Variants in WDFY3 observed in about 807,000 individuals in gnomAD.
The protein encoded by WDFY3 is WD repeat and FYVE domain containing 3, also known as WD repeat and FYVE domain-containing protein 3.
Under a neutral mutation model 409.6 loss-of-function variants are expected in WDFY3, and 66 were observed. That is an observed-to-expected ratio of 0.16 (90% CI 0.13 to 0.20). WDFY3 has a LOEUF of 0.20. Ranked by LOEUF, WDFY3 falls within the 10% of genes least tolerant of loss-of-function variation. WDFY3 has a pLI of 1.00. For synonymous variants in WDFY3, 1,521 were observed against 1,537.1 expected (o/e 0.99, Z 0.25); for missense variants, 3,031 against 4,298.1 (o/e 0.71, Z 8.24).
intron 6 of WDFY3, among the ~76,000 whole-genome samples, chr4:84,840,555 G>A (rs1757185795): frequency 6.6e-6 from 1 of 151,902 alleles, no homozygotes. Context: ...CCATCTGTTT[G>A]CCCAGAATGC....
intron 8 of WDFY3, 150 bp from the exon 9 acceptor site, chr4:84,829,340 A>AT (rs1755326154): frequency 1.6e-6 from 1 of 636,634 alleles, no homozygotes; most frequent in Admixed American, 3.5e-5. Flanking sequence ...AAAAGTCAAT[A>AT]TAAGAGTCAT....
At chr4:84,690,219 A>T (rs1164224286) in intron 61 of WDFY3, among the ~76,000 whole-genome samples, 1 of 152,236 alleles carries the variant, frequency 6.6e-6, no homozygotes, top group Non-Finnish European at 1.5e-5. Flanking sequence ...GCAAAAATTC[A>T]ATTTAGACTT....
chr4:84,721,691 G>T (rs1734880394), intron 46 of WDFY3, 119 bp from the exon 47 acceptor site: 1 of 1,182,098 alleles, frequency 8.5e-7, no homozygotes. Flanking sequence ...GAAGGTATAG[G>T]GAGGTAGCAC....
intron 12 of WDFY3, among the ~76,000 whole-genome samples, chr4:84,818,668 T>A (rs1753655625): frequency 1.3e-5 from 2 of 152,126 alleles, no homozygotes; most frequent in Admixed American, 1.3e-4. Flanking sequence ...TTTAGTTACC[T>A]CCTGGTTGTC....
At chr4:84,935,443 C>G (rs191037586) in intron 1 of WDFY3, among the ~76,000 whole-genome samples, 3 of 152,138 alleles carry the variant, frequency 2.0e-5, no homozygotes, top group Non-Finnish European at 2.9e-5. Context: ...GTTCGCACTT[C>G]CTTGTCAATT....
At chr4:84,683,885 G>A (rs2148797039) in intron 63 of WDFY3, 58 bp downstream of exon 63, 1 of 1,514,774 alleles carries the variant, frequency 6.6e-7, no homozygotes, top group Non-Finnish European at 8.9e-7. Context: ...TTAGCTACAA[G>A]TTTCTGGTAA....
At chr4:84,824,548 A>G (rs908636378) in intron 10 of WDFY3, among the ~76,000 whole-genome samples, 1 of 152,194 alleles carries the variant, frequency 6.6e-6, no homozygotes, top group Admixed American at 6.5e-5. Flanking sequence ...AGTTCTAGAA[A>G]GGGCAAAACT....
chr4:84,685,289 G>A (rs1578126696), intron 62 of WDFY3, among the ~76,000 whole-genome samples: 1 of 152,190 alleles, frequency 6.6e-6, no homozygotes, highest in African/African-American at 2.4e-5. Flanking sequence ...GGGTGAGGAG[G>A]AGGACTGGGC....
At position 84,826,889 on chromosome 4, in the gene WDFY3, A is replaced by G. The variant is rs1754943290; in HGVS notation, c.1049T>C (p.Leu350Pro). ...CCCTGTGGTAATACCAGCTGGTTTTAGTTCACTGACACCATATGTTGTTAG... is the reference window on the plus strand; with the variant it reads ...CCCTGTGGTAATACCAGCTGGTTTTGGTTCACTGACACCATATGTTGTTAG... ...TSLTTYGVSELKPAGITTGAP... is the reference protein window; with the variant it reads ...TSLTTYGVSEPKPAGITTGAP... Residue 350 changes from leucine to proline, a missense_variant, in exon 10 of 68, where the codon CTA becomes CCA. Transcript: ENST00000295888. 6.2e-7 allele frequency: 1 copy of G among 1,610,902 alleles called. No homozygotes were observed. Among genetic ancestry groups the G allele is most frequent in the Non-Finnish European group, 8.5e-7 (1 of 1,179,236 alleles).
chr4:84,932,442 T>C (rs1225679114), intron 1 of WDFY3, 79 bp from the exon 2 acceptor site: 1 of 152,200 alleles, frequency 6.6e-6, no homozygotes, highest in Admixed American at 6.5e-5. Flanking sequence ...ACTGATTCTC[T>C]TTACCTCCTT....
At chr4:84,707,557 G>A (rs762945775) in intron 53 of WDFY3, among the ~76,000 whole-genome samples, 1 of 152,150 alleles carries the variant, frequency 6.6e-6, no homozygotes, top group Admixed American at 6.5e-5. Context: ...ATGTGGTAGA[G>A]AACTGAAGGT....
At chr4:84,865,220 T>C (rs1426253650) in intron 3 of WDFY3, among the ~76,000 whole-genome samples, 1 of 152,174 alleles carries the variant, frequency 6.6e-6, no homozygotes, top group Non-Finnish European at 1.5e-5. Context: ...AAAATACACA[T>C]GATCACATTA....
chr4:84,753,486 T>C (rs1244190097), intron 35 of WDFY3, among the ~76,000 whole-genome samples: 1 of 151,978 alleles, frequency 6.6e-6, no homozygotes, highest in Non-Finnish European at 1.5e-5. Flanking sequence ...GGAAGTAGAG[T>C]TCACTGTGAT....
chr4:84,775,743 C>T (rs1216640326), intron 27 of WDFY3, among the ~76,000 whole-genome samples: 1 of 151,144 alleles, frequency 6.6e-6, no homozygotes, highest in Non-Finnish European at 1.5e-5. Flanking sequence ...ATGAAAATGA[C>T]AAACTCACAG....
intron 4 of WDFY3, among the ~76,000 whole-genome samples, chr4:84,854,041 T>C (rs899386648): frequency 3.9e-5 from 6 of 152,124 alleles, no homozygotes; most frequent in East Asian, 1.9e-4. Flanking sequence ...TATTTAAAGA[T>C]AGTATTATGA....
chr4:84,742,676 C>G lies in WDFY3; in HGVS notation c.6074-755G>C, dbSNP rs371352336. Among the ~76,000 whole-genome samples the G allele has an allele frequency of 6.6e-5, 10 of 152,284 alleles. No individual in the cohort carries two copies. In the South Asian group the frequency reaches 2.1e-3, roughly 32 times the overall value. ...TTAGATTCTCATTGGAGTGCAAGCCCTATTATGAACCGTGCATGCAAGGGA... is the reference window on the plus strand; with the variant it reads ...TTAGATTCTCATTGGAGTGCAAGCCGTATTATGAACCGTGCATGCAAGGGA... On this transcript the variant is annotated intron_variant, in intron 37 of 67. Coordinates refer to ENST00000295888, the MANE Select transcript of WDFY3 (RefSeq NM_014991.6).
Position 84,930,280 on chromosome 4 carries a change from A to G in WDFY3, c.-132+1990T>C, listed in dbSNP as rs567352219. On this transcript the variant is annotated intron_variant, in intron 2 of 67. Transcript: ENST00000295888. ...CCAAAGGTCTTTATTAAGAAAAAAG[A>G]TATTAGTCCATACCGGAAAATCTTA... Among the ~76,000 whole-genome samples, 3 of 152,348 alleles carry G rather than the reference A, an allele frequency of 2.0e-5. No homozygotes were observed. The South Asian group carries it at 6.2e-4, about 32-fold the overall frequency.
intron 9 of WDFY3, 55 bp downstream of exon 9, chr4:84,828,949 G>T: frequency 6.9e-7 from 1 of 1,458,118 alleles, no homozygotes; most frequent in South Asian, 1.5e-5. Flanking sequence ...TGTTTTCTTT[G>T]ATAAAAAAGA....
chr4:84,722,662 G>C (rs1423278695), intron 46 of WDFY3, among the ~76,000 whole-genome samples: 3 of 152,140 alleles, frequency 2.0e-5, no homozygotes, highest in Admixed American at 6.5e-5. Flanking sequence ...AACCAGTGAG[G>C]ACCCAAAGTA....
Sources: gnomAD v4.1 joint callset for allele counts (sites outside exome capture counted in the v4.1 genomes callset) on GRCh38, gnomAD v4.1.1 for gene constraint, MANE v1.5 for transcripts, NCBI Gene and HGNC (gene_info 2026-07-23, HGNC 2026-07-21) for gene names.